ALOX5AP: variants seen among roughly 807,000 people sequenced by gnomAD.
The protein encoded by ALOX5AP is arachidonate 5-lipoxygenase-activating protein.
Under a neutral mutation model 18.5 loss-of-function variants are expected in ALOX5AP, and 9 were observed. That is an observed-to-expected ratio of 0.49 (90% confidence interval 0.29 to 0.85). ALOX5AP has a LOEUF of 0.85. ALOX5AP is among the 40% of genes least tolerant of loss of function. The pLI is 0.08. For missense variants in ALOX5AP, 172 were observed against 202.5 expected, an observed-to-expected ratio of 0.85 and a Z score of 0.91; for synonymous variants, 81 against 78.6, an observed-to-expected ratio of 1.03 and a Z score of -0.16.
intron 2 of ALOX5AP, among the ~76,000 whole-genome samples, chr13:30,750,799 G>A (rs1951846028): frequency 6.6e-6 from 1 of 152,172 alleles, no homozygotes; most frequent in African/African-American, 2.4e-5. Flanking sequence ...GTAACCACAA[G>A]GGTCTTTTTA....
At chr13:30,732,993 A>G (rs751726599), upstream of ALOX5AP, among the ~76,000 whole-genome samples, 6 of 151,926 alleles carry the variant, frequency 3.9e-5, no homozygotes, top group Admixed American at 6.6e-5. Flanking sequence ...CGTCTCTACT[A>G]AAAAATATAA....
At chr13:30,747,518 T>A (rs916155000) in intron 2 of ALOX5AP, among the ~76,000 whole-genome samples, 64 of 152,216 alleles carry the variant, frequency 4.2e-4, no homozygotes, top group African/African-American at 1.5e-3. Flanking sequence ...TCCCAGCCAA[T>A]GAGCATGGCT....
chr13:30,753,051 TA>T (rs1259170336), intron 3 of ALOX5AP, among the ~76,000 whole-genome samples: 1 of 152,226 alleles, frequency 6.6e-6, no homozygotes, highest in African/African-American at 2.4e-5. Flanking sequence ...TGTGCCTAGA[TA>T]TACAGTGATA....
chr13:30,721,478 C>T (rs1951593664), intron 1 of ALOX5AP, among the ~76,000 whole-genome samples: 2 of 152,130 alleles, frequency 1.3e-5, no homozygotes, highest in South Asian at 4.2e-4. Flanking sequence ...TCCTTACCCC[C>T]AACCCCTCAC....
upstream of ALOX5AP, among the ~76,000 whole-genome samples, chr13:30,731,873 C>A (rs151201786): frequency 9.9e-3 from 1,511 of 152,324 alleles, 23 homozygotes; most frequent in African/African-American, 0.034. Flanking sequence ...CGGTCTTCTG[C>A]GGGAATCCGG....
At chr13:30,740,617 G>A (rs796500908) in intron 1 of ALOX5AP, among the ~76,000 whole-genome samples, 7 of 152,320 alleles carry the variant, frequency 4.6e-5, no homozygotes, top group African/African-American at 1.7e-4. Context: ...GACAAAGGCA[G>A]CCAACTCTTC....
At chr13:30,716,449 C>A (rs1050414000) in intron 1 of ALOX5AP, among the ~76,000 whole-genome samples, 7 of 152,208 alleles carry the variant, frequency 4.6e-5, no homozygotes, top group African/African-American at 1.2e-4. Context: ...GATCAGGCCG[C>A]ACTTGGACCT....
rs527985157 is a variant in ALOX5AP, at chr13:30,718,490, T to TC, written c.116+4651dup. Among the ~76,000 whole-genome samples the TC allele has an allele frequency of 2.3e-3, 352 of 151,370 alleles. 1 individual carries two copies. The highest frequency in any genetic ancestry group is 4.2e-3 in the Non-Finnish European group (284 of 67,850). On this transcript the variant is annotated intron_variant, in intron 1 of 5. Transcript: ENST00000617770. ...TGTCTCTGACCCACCCTTGCCCCCT[T>TC]CCTCCATCCTTTTCTCCATTGCATA...
upstream of ALOX5AP, among the ~76,000 whole-genome samples, chr13:30,734,866 C>T (rs561057481): frequency 5.9e-5 from 9 of 152,334 alleles, no homozygotes; most frequent in African/African-American, 2.2e-4. Context: ...TTCCTTCCTT[C>T]ATTCAAACCT....
At chr13:30,728,836 A>C (rs2137795189) in intron 1 of ALOX5AP, among the ~76,000 whole-genome samples, 1 of 152,358 alleles carries the variant, frequency 6.6e-6, no homozygotes, top group South Asian at 2.1e-4. Context: ...TGACAGAGTG[A>C]GAAAGCTGGT....
chr13:30,718,116 T>A (rs1046812229), intron 1 of ALOX5AP, among the ~76,000 whole-genome samples: 2 of 151,852 alleles, frequency 1.3e-5, no homozygotes, highest in African/African-American at 4.8e-5. Context: ...TGTGCCACCA[T>A]GCCTGGCTAA....
chr13:30,724,577 A>G (rs1951622717), intron 1 of ALOX5AP, among the ~76,000 whole-genome samples: 1 of 152,222 alleles, frequency 6.6e-6, no homozygotes, highest in Admixed American at 6.5e-5. Context: ...GTGCCTTTAT[A>G]GGTGAACCCC....
chr13:30,744,274 C>T, intron 2 of ALOX5AP, 115 bp downstream of exon 2: 2 of 902,260 alleles, frequency 2.2e-6, no homozygotes, highest in South Asian at 2.9e-5. Flanking sequence ...TTTCTGAGCG[C>T]CAGGGAGGTG....
intron 4 of ALOX5AP, among the ~76,000 whole-genome samples, chr13:30,762,596 A>AAAAG (rs71192667): frequency 0.1 from 15,502 of 151,664 alleles, 1,046 homozygotes; most frequent in African/African-American, 0.19. Flanking sequence ...TCAAAAAAAA[A>AAAAG]AAAAGAAAAG....
intron 1 of ALOX5AP, among the ~76,000 whole-genome samples, chr13:30,738,933 A>AACAC (rs17238666): frequency 1.1e-4 from 17 of 151,586 alleles, no homozygotes; most frequent in Admixed American, 5.3e-4. Context: ...GTTCCACCCC[A>AACAC]ACACACACAC....
chr13:30,764,211 C>A lies in ALOX5AP; in HGVS notation c.*105C>A. ...TGCTCTTCTTTAGATGGCTGTAAAT[C>A]TATTGGCCATCTGGGCTTCACAGCT... is the stretch of plus-strand genomic sequence containing the variant. On this transcript the variant is annotated 3_prime_UTR_variant, in exon 5 of 5. Coordinates refer to ENST00000380490, the MANE Select transcript of ALOX5AP (RefSeq NM_001629.4). 7.7e-7 allele frequency: 1 copy of A among 1,292,114 alleles called. No individual in the cohort carries two copies. Among genetic ancestry groups the A allele is most frequent in the South Asian group, 1.5e-5 (1 of 66,024 alleles). The allele number at this position is 1,292,114 out of a possible 1,614,324, so 80.0% of individuals were successfully genotyped here.
intron 2 of ALOX5AP, chr13:30,744,495 C>CG: frequency 2.1e-5 from 4 of 190,668 alleles, no homozygotes; most frequent in South Asian, 9.5e-5. Context: ...CTGTGAACAC[C>CG]AGCCATGACT....
At chr13:30,751,689 C>T (rs1055160656) in intron 2 of ALOX5AP, among the ~76,000 whole-genome samples, 3 of 152,224 alleles carry the variant, frequency 2.0e-5, no homozygotes, top group Admixed American at 6.5e-5. Flanking sequence ...CCGACCACCC[C>T]CATGCCAGTG....
intron 1 of ALOX5AP, among the ~76,000 whole-genome samples, chr13:30,724,010 A>G (rs1190920971): frequency 6.6e-6 from 1 of 150,978 alleles, no homozygotes; most frequent in East Asian, 1.9e-4. Flanking sequence ...ACAAATGTGA[A>G]CAACCATGTA....
Sources: allele counts gnomAD v4.1 joint callset (sites outside exome capture counted in the v4.1 genomes callset), GRCh38; gene constraint gnomAD v4.1.1; transcripts MANE v1.5; gene names NCBI Gene and HGNC (gene_info 2026-07-23, HGNC 2026-07-21).